The following MAP3K13 variants were observed in gnomAD, a reference collection of about 807,000 sequenced individuals.
MAP3K13 encodes the protein mitogen-activated protein kinase kinase kinase 13.
A neutral mutation model predicts 104.0 loss-of-function variants in MAP3K13; 52 were observed. The observed-to-expected ratio is 0.50, with a 90% CI of 0.40 to 0.63. The LOEUF is 0.63. Among genes scored for constraint, MAP3K13 ranks in the 20% least tolerant of loss-of-function variants. MAP3K13 has a pLI of 0.00. For synonymous variants in MAP3K13, 394 were observed against 442.2 expected, an observed-to-expected ratio of 0.89 and a Z score of 1.37; for missense variants, 914 against 1,218.5, an observed-to-expected ratio of 0.75 and a Z score of 3.72.
At chr3:185,366,435 C>A (rs1461047035) in intron 1 of MAP3K13, among the ~76,000 whole-genome samples, 3 of 152,064 alleles carry the variant, frequency 2.0e-5, no homozygotes, top group East Asian at 3.9e-4. Context: ...GTTTTAATTT[C>A]TCTTGGGTAT....
intron 1 of MAP3K13, among the ~76,000 whole-genome samples, chr3:185,419,124 C>A (rs1713979667): frequency 6.6e-6 from 1 of 150,884 alleles, no homozygotes. Context: ...TAAAGCAATT[C>A]TCCTGCCTCA....
chr3:185,407,419 A>G (rs1713175281), intron 1 of MAP3K13, among the ~76,000 whole-genome samples: 1 of 152,222 alleles, frequency 6.6e-6, no homozygotes, highest in African/African-American at 2.4e-5. Flanking sequence ...CTAAATACAA[A>G]ATTAACTCTA....
At chr3:185,451,867 CAAA>C (rs1265471490) in intron 7 of MAP3K13, among the ~76,000 whole-genome samples, 2 of 54,834 alleles carry the variant, frequency 3.6e-5, no homozygotes, top group Admixed American at 2.1e-4. Flanking sequence ...AACACCGCCT[CAAA>C]AAAAAAAAAA....
In MAP3K13 at chr3:185,455,692, G is replaced by C. The variant is rs1252610209; in HGVS notation, c.1278+4297G>C. ...TGATATATATATGAGATATATATATGATATATATATGAGATATATATGAGA... is the reference window on the plus strand; with the variant it reads ...TGATATATATATGAGATATATATATCATATATATATGAGATATATATGAGA... On this transcript the variant is annotated intron_variant, in intron 7 of 13. Transcript: ENST00000265026. 4.9e-3 allele frequency among the ~76,000 whole-genome samples: 91 copies of C among 18,396 alleles called. 18 individuals are homozygous for C. The highest frequency in any genetic ancestry group is 7.6e-3 in the Non-Finnish European group (54 of 7,136). 12.1% of individuals were successfully genotyped at this position (18,396 alleles called of 152,430 possible). A position where few individuals can be genotyped will look rare whatever the true frequency, so the allele number is the denominator to read the frequency against.
Position 185,447,947 on chromosome 3 carries a change from G to A in MAP3K13, c.1010G>A (p.Trp337Ter), listed in dbSNP as rs745696422. The change falls in exon 5 of 14, where the codon TGG becomes TAG. Residue 337 changes from tryptophan (W) to a stop codon, truncating the protein, a stop_gained and splice_region_variant. Transcript: ENST00000265026. LOFTEE classifies it high-confidence loss of function. Reference sequence around the variant, plus strand: ...CCTGTCTCTGAAAAAGTTGATATATGGTGAGTGGCGCCACCAGTTGTGCCA... The same window carrying A: ...CCTGTCTCTGAAAAAGTTGATATATAGTGAGTGGCGCCACCAGTTGTGCCA... Reference protein sequence around the residue: ...NEPVSEKVDIWSFGVVLWELL... With the variant: ...NEPVSEKVDI 1 of 1,604,164 alleles carries A rather than the reference G, an allele frequency of 6.2e-7. No individual in the cohort carries two copies. The highest frequency in any genetic ancestry group is 8.5e-7 in the Non-Finnish European group (1 of 1,174,822).
At chr3:185,442,987 C>T (rs6444072) in intron 3 of MAP3K13, among the ~76,000 whole-genome samples, 123,003 of 151,956 alleles carry the variant, frequency 0.81, 50,967 homozygotes, top group East Asian at 0.91. Context: ...TACAGGCGCG[C>T]GCCACCATGC....
intron 1 of MAP3K13, among the ~76,000 whole-genome samples, chr3:185,365,144 T>G (rs949003222): frequency 1.3e-5 from 2 of 152,200 alleles, no homozygotes; most frequent in Non-Finnish European, 2.9e-5. Flanking sequence ...AACTGTTACT[T>G]TAAGGCACAG....
At chr3:185,313,751 G>A (rs1251760209) in intron 2 of MAP3K13, among the ~76,000 whole-genome samples, 1 of 151,974 alleles carries the variant, frequency 6.6e-6, no homozygotes, top group African/African-American at 2.4e-5. Context: ...AAAAAAGAAG[G>A]GTGAATTATT....
rs759980349 is a variant in MAP3K13, at chr3:185,321,042, G to A, written c.-86+35399G>A. On this transcript the variant is annotated intron_variant, in intron 2 of 14. Transcript: ENST00000424227. ...ACATATGTGTGTATATATTATATGCGTGCACACATATACACATGCATGCAC... is the reference window on the plus strand; with the variant it reads ...ACATATGTGTGTATATATTATATGCATGCACACATATACACATGCATGCAC... Among the ~76,000 whole-genome samples, 503 of 60,130 alleles carry A rather than the reference G, an allele frequency of 8.4e-3. 5 individuals are homozygous for A. Among genetic ancestry groups the A allele is most frequent in the Non-Finnish European group, 0.015 (308 of 21,124 alleles). 39.4% of individuals were successfully genotyped at this position (60,130 alleles called of 152,430 possible).
chr3:185,316,727 A>G (rs1446024302), intron 2 of MAP3K13, among the ~76,000 whole-genome samples: 2 of 152,156 alleles, frequency 1.3e-5, no homozygotes, highest in Non-Finnish European at 2.9e-5. Context: ...AAGCAATTTG[A>G]TTATCTAGTC....
chr3:185,463,194 T>C (rs574972572), intron 7 of MAP3K13, among the ~76,000 whole-genome samples: 2 of 152,346 alleles, frequency 1.3e-5, no homozygotes, highest in East Asian at 3.9e-4. Flanking sequence ...TTATCAGAGC[T>C]GTTTTTTTCT....
intron 7 of MAP3K13, among the ~76,000 whole-genome samples, chr3:185,454,652 T>TATATATATGGG (rs1716230377): frequency 2.5e-5 from 1 of 39,316 alleles, no homozygotes; most frequent in Non-Finnish European, 5.5e-5. Context: ...ATATATATGA[T>TATATATATGGG]ATATATATGA....
intron 2 of MAP3K13, among the ~76,000 whole-genome samples, chr3:185,317,519 AGACTT>A (rs1218643960): frequency 4.6e-5 from 7 of 152,234 alleles, no homozygotes; most frequent in Admixed American, 1.3e-4. Context: ...TATATTATCT[AGACTT>A]TTAGGTAGTT....
At chr3:185,374,628 G>T (rs755688599) in intron 1 of MAP3K13, among the ~76,000 whole-genome samples, 1 of 152,130 alleles carries the variant, frequency 6.6e-6, no homozygotes, top group Non-Finnish European at 1.5e-5. Flanking sequence ...TCCAAGCGGG[G>T]TTAGCGTAAT....
exon 2 of MAP3K13, chr3:185,285,579 C>A (rs770533164): frequency 2.0e-6 from 3 of 1,527,924 alleles, no homozygotes; most frequent in East Asian, 2.5e-5. Context: ...ACCCACGGAC[C>A]ATTAATGGAC....
intron 9 of MAP3K13, 30 bp from the exon 10 acceptor site, chr3:185,466,796 T>G: frequency 6.2e-7 from 1 of 1,613,592 alleles, no homozygotes; most frequent in Non-Finnish European, 8.5e-7. Flanking sequence ...CTGCAATGAC[T>G]GAGGTGTGGC....
intron 1 of MAP3K13, among the ~76,000 whole-genome samples, chr3:185,386,868 T>C (rs932422994): frequency 4.6e-5 from 7 of 152,042 alleles, no homozygotes; most frequent in Non-Finnish European, 8.8e-5. Context: ...CATGGACACA[T>C]GGTGGGGAAC....
rs1717957332 is a variant in MAP3K13, at chr3:185,473,872, G to A, written c.2430+111G>A. On this transcript the variant is annotated intron_variant, in intron 11 of 13. Coordinates refer to ENST00000265026, the MANE Select transcript of MAP3K13 (RefSeq NM_004721.5). This position sits in a 1 kb window ranked among gnomAD's most constrained non-coding sequence, Gnocchi z 4.9. ...GTAAAAAGTATACATTTTGTAAAAGGACAAGATAACAGAAACATAAATAGA... is the reference window on the plus strand; with the variant it reads ...GTAAAAAGTATACATTTTGTAAAAGAACAAGATAACAGAAACATAAATAGA... The A allele has an allele frequency of 1.7e-6, 2 of 1,192,718 alleles. No homozygotes were observed. Among genetic ancestry groups the A allele is most frequent in the South Asian group, 3.1e-5 (2 of 63,590 alleles). The allele number at this position is 1,192,718 out of a possible 1,614,324, so 73.9% of individuals were successfully genotyped here. A position where few individuals can be genotyped will look rare whatever the true frequency, so the allele number is the denominator to read the frequency against.
In MAP3K13 at chr3:185,449,877, C is replaced by G. The variant is rs1330995674; in HGVS notation, c.1011-23C>G. The G allele has an allele frequency of 3.2e-6, 5 of 1,574,706 alleles. No homozygotes were observed. In the Admixed American group the frequency reaches 7.7e-5, roughly 24 times the overall value. On this transcript the variant is annotated intron_variant, in intron 5 of 13. Transcript: ENST00000265026. ...TCAGTCTTTCTGAAACATCTTCTGT[C>G]CATGTTCCCGGCGCTACTGTAGGTC...
Sources: gnomAD v4.1 joint callset for allele counts (sites outside exome capture counted in the v4.1 genomes callset) on GRCh38, gnomAD v4.1.1 for gene constraint, Gnocchi (gnomAD v3.1) non-coding constraint, MANE v1.5 for transcripts, NCBI Gene and HGNC (gene_info 2026-07-23, HGNC 2026-07-21) for gene names.